Variants in TNFSF4 observed in about 807,000 individuals in gnomAD.
TNFSF4 encodes TNF superfamily member 4, also known as tumor necrosis factor ligand superfamily member 4.
In TNFSF4, 4 loss-of-function variants were observed where a neutral mutation model predicts 7.3. The observed-to-expected ratio is 0.55, with a 90% CI of 0.27 to 1.25. TNFSF4 has a LOEUF of 1.25. TNFSF4 is among the 50% of genes most tolerant of loss of function. The probability of loss-of-function intolerance (pLI) is 0.12; values close to 1 mark genes in which losing one functional copy is unlikely to be tolerated. For synonymous variants in TNFSF4, 76 were observed against 83.7 expected (o/e 0.91, Z 0.50); for missense variants, 181 against 208.8 (o/e 0.87, Z 0.82).
At chr1:173,189,652 A>G (rs1649390440) in intron 1 of TNFSF4, among the ~76,000 whole-genome samples, 1 of 152,142 alleles carries the variant, frequency 6.6e-6, no homozygotes, top group African/African-American at 2.4e-5. Flanking sequence ...AGTAAAAAAA[A>G]GTTGGGGGGG....
At chr1:173,402,560 G>A in the TNFSF4 span, among the ~76,000 whole-genome samples, 16 of 152,298 alleles carry the variant, frequency 1.1e-4, 1 homozygote, top group South Asian at 3.1e-3. Context: ...TCAGTCAGAT[G>A]GAACGTATTA....
chr1:173,223,092 C>T, the TNFSF4 span, among the ~76,000 whole-genome samples: 1 of 152,182 alleles, frequency 6.6e-6, no homozygotes, highest in South Asian at 2.1e-4. Context: ...GCTTTTCAGC[C>T]ATAATGGAAG....
chr1:173,292,513 C>T, the TNFSF4 span, among the ~76,000 whole-genome samples: 3 of 151,950 alleles, frequency 2.0e-5, no homozygotes, highest in African/African-American at 4.8e-5. Flanking sequence ...ATAACAAACC[C>T]ACAACCAACA....
the TNFSF4 span, among the ~76,000 whole-genome samples, chr1:173,176,119 T>C: frequency 6.6e-6 from 1 of 152,180 alleles, no homozygotes; most frequent in South Asian, 2.1e-4. Flanking sequence ...AGGTAATTAG[T>C]AGTGGTGTAA....
At chr1:173,378,299 G>T in the TNFSF4 span, among the ~76,000 whole-genome samples, 1 of 151,024 alleles carries the variant, frequency 6.6e-6, no homozygotes, top group Non-Finnish European at 1.5e-5. Flanking sequence ...ACCATTGCAG[G>T]TTCTTGGGCA....
At chr1:173,413,851 C>CA in the TNFSF4 span, among the ~76,000 whole-genome samples, 1 of 152,198 alleles carries the variant, frequency 6.6e-6, no homozygotes, top group African/African-American at 2.4e-5. Flanking sequence ...CTGATAATAA[C>CA]ATGCTTTCAG....
the TNFSF4 span, among the ~76,000 whole-genome samples, chr1:173,238,730 A>C: frequency 6.7e-6 from 1 of 149,312 alleles, no homozygotes; most frequent in Non-Finnish European, 1.5e-5. Context: ...CAGAATGGCT[A>C]TTACTAAAAA....
At chr1:173,427,404 G>A in the TNFSF4 span, among the ~76,000 whole-genome samples, 6 of 152,202 alleles carry the variant, frequency 3.9e-5, no homozygotes, top group Admixed American at 2.6e-4. Flanking sequence ...CACAATGCAC[G>A]GGAGAGCCCG....
the TNFSF4 span, among the ~76,000 whole-genome samples, chr1:173,394,943 TAGACAGACAGACAGACAGACAGAC>T: frequency 1.3e-5 from 2 of 149,682 alleles, no homozygotes; most frequent in Non-Finnish European, 3.0e-5. Context: ...GATAGATAGA[TAGACAGACAGACAGACAGACAGAC>T]AGATAGATAA....
the TNFSF4 span, among the ~76,000 whole-genome samples, chr1:173,337,453 A>T: frequency 2.0e-5 from 3 of 152,156 alleles, no homozygotes; most frequent in Non-Finnish European, 4.4e-5. Context: ...CACTGCCCCC[A>T]CTTCTGCTAT....
chr1:173,366,311 T>G, the TNFSF4 span, among the ~76,000 whole-genome samples: 1 of 152,142 alleles, frequency 6.6e-6, no homozygotes, highest in Admixed American at 6.5e-5. Context: ...TAAAAAAGAA[T>G]GAAATTCTGT....
intron 1 of TNFSF4, among the ~76,000 whole-genome samples, chr1:173,190,816 G>T (rs16845568): frequency 0.034 from 5,158 of 152,258 alleles, 274 homozygotes; most frequent in African/African-American, 0.12. Context: ...AGGCCTCAGC[G>T]TGCAGTGACA....
At chr1:173,189,832 T>C (rs1388448919) in intron 1 of TNFSF4, among the ~76,000 whole-genome samples, 2 of 151,970 alleles carry the variant, frequency 1.3e-5, no homozygotes, top group African/African-American at 2.4e-5. Flanking sequence ...AGGTCAGGAG[T>C]AGGATTGACC....
the TNFSF4 span, among the ~76,000 whole-genome samples, chr1:173,378,216 C>G: frequency 6.6e-6 from 1 of 151,900 alleles, no homozygotes; most frequent in East Asian, 1.9e-4. Context: ...GGGACCGTTG[C>G]GGGTTCTTCG....
At chr1:173,393,993 A>T in the TNFSF4 span, among the ~76,000 whole-genome samples, 2 of 152,172 alleles carry the variant, frequency 1.3e-5, no homozygotes, top group East Asian at 3.8e-4. Context: ...TTTTCCTTTG[A>T]ATTATTATTT....
intron 1 of TNFSF4, among the ~76,000 whole-genome samples, chr1:173,191,256 A>G (rs1230943512): frequency 6.6e-6 from 1 of 152,184 alleles, no homozygotes; most frequent in Non-Finnish European, 1.5e-5. Flanking sequence ...GTTGGAGTCT[A>G]GACTTCCAGT....
At chr1:173,448,198 T>C in the TNFSF4 span, among the ~76,000 whole-genome samples, 4 of 152,162 alleles carry the variant, frequency 2.6e-5, no homozygotes, top group South Asian at 6.2e-4. Context: ...CTCACAGTAA[T>C]TGATAGAAGT....
chr1:173,277,391 G>A, the TNFSF4 span, among the ~76,000 whole-genome samples: 1 of 152,150 alleles, frequency 6.6e-6, no homozygotes, highest in African/African-American at 2.4e-5. Flanking sequence ...GCTGTGACCT[G>A]TGTAGCCTTT....
the TNFSF4 span, among the ~76,000 whole-genome samples, chr1:173,419,110 C>A: frequency 6.6e-6 from 1 of 152,086 alleles, no homozygotes; most frequent in Non-Finnish European, 1.5e-5. Flanking sequence ...GAGGCCAAGG[C>A]GGGCAGATCA....
Sources: allele counts gnomAD v4.1 joint callset (sites outside exome capture counted in the v4.1 genomes callset), GRCh38; gene constraint gnomAD v4.1.1; transcripts MANE v1.5; gene names NCBI Gene and HGNC (gene_info 2026-07-23, HGNC 2026-07-21).